The following FZD6 variants were observed in gnomAD, a reference collection of about 807,000 sequenced individuals.
FZD6 encodes frizzled-6.
A neutral mutation model predicts 61.4 loss-of-function variants in FZD6; 49 were observed. The ratio of observed to expected loss-of-function variants is 0.80; its 90% CI spans 0.63 to 1.01. The LOEUF is 1.01. Ranked by LOEUF, FZD6 falls within the 50% of genes least tolerant of loss-of-function variation. FZD6 has a pLI of 0.00. For missense variants in FZD6, 724 were observed against 848.2 expected (o/e 0.85, Z 1.82); for synonymous variants, 265 against 292.2 (o/e 0.91, Z 0.95).
intron 2 of FZD6, 58 bp from the exon 3 acceptor site, chr8:103,318,532 T>A: frequency 1.0e-6 from 1 of 956,588 alleles, no homozygotes; most frequent in Non-Finnish European, 1.7e-6. Context: ...GTAAATATAT[T>A]AATTTTATTC....
At chr8:103,302,592 C>T (rs1224696098) in intron 2 of FZD6, among the ~76,000 whole-genome samples, 1 of 152,126 alleles carries the variant, frequency 6.6e-6, no homozygotes, top group African/African-American at 2.4e-5. Context: ...ATAATGTCAT[C>T]TTTAACTGGT....
At chr8:103,303,251 C>G (rs532850981) in intron 2 of FZD6, among the ~76,000 whole-genome samples, 4 of 152,330 alleles carry the variant, frequency 2.6e-5, no homozygotes, top group Admixed American at 2.6e-4. Context: ...ATCCATATTA[C>G]TGTCCATCAC....
chr8:103,302,312 T>A (rs1410793413), intron 2 of FZD6, among the ~76,000 whole-genome samples: 1 of 152,172 alleles, frequency 6.6e-6, no homozygotes, highest in Non-Finnish European at 1.5e-5. Context: ...CAAAATCCTA[T>A]AAGTTGAGAG....
intron 4 of FZD6, among the ~76,000 whole-genome samples, chr8:103,326,779 G>C (rs1814964487): frequency 6.6e-6 from 1 of 150,654 alleles, no homozygotes; most frequent in Non-Finnish European, 1.5e-5. Context: ...TAGCTGAAAG[G>C]CTAATTTCTC....
intron 2 of FZD6, among the ~76,000 whole-genome samples, chr8:103,304,204 G>A (rs1307560744): frequency 6.6e-5 from 10 of 152,248 alleles, no homozygotes; most frequent in South Asian, 4.1e-4. Flanking sequence ...TGAGAATTCC[G>A]TATAAGTCAA....
Position 103,325,061 on chromosome 8 carries a change from G to A in FZD6, c.955G>A (p.Ala319Thr), listed in dbSNP as rs747229738. The change falls in exon 4 of 7, where the codon GCC (alanine) becomes ACC (threonine). Residue 319 changes from alanine to threonine, a missense_variant. Transcript: ENST00000358755. ...TGCAGGAAGAAAATGGAGTTGTGAA[G>A]CCATCGAGCAAAAAGCAGTGTGGTT... ...LAAGRKWSCEAIEQKAVWFHA... is the reference protein window; with the variant it reads ...LAAGRKWSCETIEQKAVWFHA... 6.2e-7 allele frequency: 1 copy of A among 1,614,184 alleles called. No homozygotes were observed. The highest frequency in any genetic ancestry group is 1.1e-5 in the South Asian group (1 of 91,084).
At chr8:103,311,156 A>G (rs1038789738) in intron 2 of FZD6, among the ~76,000 whole-genome samples, 2 of 152,178 alleles carry the variant, frequency 1.3e-5, no homozygotes, top group African/African-American at 4.8e-5. Context: ...ACCAGTGCCA[A>G]TACCATTGGA....
intron 3 of FZD6, 64 bp downstream of exon 3, chr8:103,318,850 A>C: frequency 1.1e-6 from 1 of 901,818 alleles, no homozygotes; most frequent in South Asian, 1.3e-5. Flanking sequence ...GCTCTCTGGG[A>C]TGTTAGTGAG....
rs1418634189 is a variant in FZD6 at position 103,331,417 on chromosome 8, C to T, written c.2029C>T (p.Pro677Ser). 6 of 1,609,648 alleles carry T rather than the reference C, an allele frequency of 3.7e-6. No homozygotes were observed. The African/African-American group carries it at 5.3e-5, about 14-fold the overall frequency. Residue 677 changes from proline (P) to serine (S), a missense_variant, in exon 7 of 7, where the codon CCA becomes TCA. Pro to Ser is a moderately conservative substitution (Grantham distance 74, BLOSUM62 -1). Coordinates refer to ENST00000358755, the MANE Select transcript of FZD6 (RefSeq NM_003506.4). ...NNLQVPSSSE[P>S]SSLKGSTSLL... Reference sequence around the variant, plus strand: ...TTTGCAGGTCCCCAGTTCTTCAGAACCAAGCAGCCTCAAAGGTTCCACATC... The same window carrying T: ...TTTGCAGGTCCCCAGTTCTTCAGAATCAAGCAGCCTCAAAGGTTCCACATC...
chr8:103,311,039 G>A (rs1586509325), intron 2 of FZD6, among the ~76,000 whole-genome samples: 1 of 152,092 alleles, frequency 6.6e-6, no homozygotes, highest in African/African-American at 2.4e-5. Context: ...ATGGATTTTG[G>A]ACAGCTTGTA....
intron 2 of FZD6, among the ~76,000 whole-genome samples, chr8:103,315,305 CTTTA>C (rs1280751478): frequency 1.3e-5 from 2 of 152,156 alleles, no homozygotes; most frequent in African/African-American, 2.4e-5. Flanking sequence ...TTCTACGTAG[CTTTA>C]TTTAACTGCC....
intron 2 of FZD6, among the ~76,000 whole-genome samples, chr8:103,303,892 A>T (rs1052716256): frequency 4.0e-5 from 6 of 150,882 alleles, no homozygotes; most frequent in African/African-American, 1.5e-4. Context: ...TCAACTTTTG[A>T]TCGGACCGTT....
At chr8:103,323,316 ATAT>A (rs1349703243) in intron 3 of FZD6, among the ~76,000 whole-genome samples, 2 of 133,118 alleles carry the variant, frequency 1.5e-5, no homozygotes, top group African/African-American at 5.7e-5. Context: ...AATTGACATA[ATAT>A]TATGTTTTAA....
chr8:103,303,156 C>G (rs551988150), intron 2 of FZD6, among the ~76,000 whole-genome samples: 1 of 152,126 alleles, frequency 6.6e-6, no homozygotes, highest in South Asian at 2.1e-4. Context: ...CATGTGGGAC[C>G]CTGGCTGCTT....
Position 103,317,052 on chromosome 8 carries a change from T to C in FZD6, c.178-1538T>C, listed in dbSNP as rs1023333872. ...AAGGATTTAAGAGAAATGCAAACCATGGTAATGGGAAAGATAAGAGCAGGA... is the reference window on the plus strand; with the variant it reads ...AAGGATTTAAGAGAAATGCAAACCACGGTAATGGGAAAGATAAGAGCAGGA... On this transcript the variant is annotated intron_variant, in intron 2 of 6. Transcript: ENST00000358755. Among the ~76,000 whole-genome samples the C allele has an allele frequency of 2.0e-5, 3 of 152,132 alleles. No individual in the cohort carries two copies. In the East Asian group the frequency reaches 5.8e-4, roughly 29 times the overall value.
At chr8:103,306,663 C>T (rs1367329167) in intron 2 of FZD6, among the ~76,000 whole-genome samples, 4 of 151,646 alleles carry the variant, frequency 2.6e-5, no homozygotes, top group South Asian at 2.1e-4. Flanking sequence ...TCACCAAGCC[C>T]GGCTAATTTT....
At position 103,328,290 on chromosome 8, in the gene FZD6, A is replaced by G. The variant is rs147565570; in HGVS notation, c.1415A>G (p.Glu472Gly). The part of the protein sequence containing the change: ...PYQAKAKARP[E>G]LALFMIKYLM... Reference sequence around the variant, plus strand: ...TAGGCAAAAGCAAAAGCTCGACCAGAATTGGCTTTATTTATGATAAAATAC... The same window carrying G: ...TAGGCAAAAGCAAAAGCTCGACCAGGATTGGCTTTATTTATGATAAAATAC... The change falls in exon 5 of 7, where the codon GAA (glutamate) becomes GGA (glycine). Residue 472 changes from glutamate (E) to glycine (G), a missense_variant. Physicochemically the swap from Glu to Gly is moderately conservative, Grantham distance 98. Transcript: ENST00000358755. 3.1e-6 allele frequency: 5 copies of G among 1,611,864 alleles called. No homozygotes were observed. The highest frequency in any genetic ancestry group is 2.7e-5 in the African/African-American group (2 of 74,986).
At chr8:103,302,601 G>GTT (rs897737819) in intron 2 of FZD6, among the ~76,000 whole-genome samples, 1 of 150,834 alleles carries the variant, frequency 6.6e-6, no homozygotes, top group Non-Finnish European at 1.5e-5. Context: ...TCTTTAACTG[G>GTT]TTTTTTTTTA....
intron 4 of FZD6, among the ~76,000 whole-genome samples, chr8:103,327,494 G>A (rs1814985676): frequency 6.6e-6 from 1 of 152,172 alleles, no homozygotes; most frequent in Non-Finnish European, 1.5e-5. Flanking sequence ...TACTTGGGAG[G>A]CTGAGGCGGG....
Sources: allele counts gnomAD v4.1 joint callset (sites outside exome capture counted in the v4.1 genomes callset), GRCh38; gene constraint gnomAD v4.1.1; transcripts MANE v1.5; gene names NCBI Gene and HGNC (gene_info 2026-07-23, HGNC 2026-07-21).